The following CAMK1D variants were observed in gnomAD, a reference collection of about 807,000 sequenced individuals.
CAMK1D encodes the protein calcium/calmodulin-dependent protein kinase type 1D.
Under a neutral mutation model 47.7 loss-of-function variants are expected in CAMK1D, and 9 were observed. That is an observed-to-expected ratio of 0.19 (90% CI 0.11 to 0.33). The LOEUF is 0.33. CAMK1D is among the 10% of genes least tolerant of loss of function. The pLI is 1.00. For missense variants in CAMK1D, 291 were observed against 488.7 expected (o/e 0.60, Z 3.81); for synonymous variants, 184 against 184.9 (o/e 0.99, Z 0.04).
intron 1 of CAMK1D, among the ~76,000 whole-genome samples, chr10:12,420,116 C>T (rs1398652812): frequency 2.0e-5 from 3 of 152,144 alleles, no homozygotes. Context: ...CCTGTCACCA[C>T]GCCCAGCTAA....
chr10:12,588,118 A>G lies in CAMK1D; in HGVS notation c.224+34762A>G, dbSNP rs1003798716. Among the ~76,000 whole-genome samples the G allele has an allele frequency of 2.0e-5, 3 of 152,308 alleles. No individual in the cohort carries two copies. In the South Asian group the frequency reaches 6.2e-4, roughly 32 times the overall value. On this transcript the variant is annotated intron_variant, in intron 2 of 10. Transcript: ENST00000619168. Reference sequence around the variant, plus strand: ...GGGAGCGGAGAAACTTGGATGGCTCAGTAATTATGGAAATTGGCAGGGCAT... The same window carrying G: ...GGGAGCGGAGAAACTTGGATGGCTCGGTAATTATGGAAATTGGCAGGGCAT...
intron 5 of CAMK1D, among the ~76,000 whole-genome samples, chr10:12,787,420 A>T (rs991581842): frequency 5.9e-5 from 9 of 152,288 alleles, no homozygotes; most frequent in African/African-American, 1.7e-4. Context: ...TTGTTCTTTT[A>T]AAGAGTCCTC....
At chr10:12,745,630 T>G (rs1835636489) in intron 3 of CAMK1D, among the ~76,000 whole-genome samples, 1 of 150,660 alleles carries the variant, frequency 6.6e-6, no homozygotes, top group African/African-American at 2.5e-5. Context: ...GAGATGGAGT[T>G]TCGCTCTTGT....
rs1833186265 is a variant in CAMK1D at position 12,825,810 on chromosome 10, C to A, written c.1039+120C>A. ...TTGCCAGGCGCTTTCTATACTTAATCCCATGTCATGCGACCCTAGGACTTT... is the reference window on the plus strand; with the variant it reads ...TTGCCAGGCGCTTTCTATACTTAATACCATGTCATGCGACCCTAGGACTTT... On this transcript the variant is annotated intron_variant, in intron 10 of 10. Transcript: ENST00000619168. 5 of 1,536,578 alleles carry A rather than the reference C, an allele frequency of 3.3e-6. No homozygotes were observed. The Admixed American group carries it at 8.2e-5, about 25-fold the overall frequency.
At chr10:12,722,075 C>G (rs559835727) in intron 3 of CAMK1D, among the ~76,000 whole-genome samples, 2 of 152,198 alleles carry the variant, frequency 1.3e-5, no homozygotes, top group South Asian at 2.1e-4. Flanking sequence ...CACAGGCCCC[C>G]CATTCCTAAC....
At chr10:12,472,014 GAC>G (rs1376940910) in intron 1 of CAMK1D, among the ~76,000 whole-genome samples, 1 of 139,032 alleles carries the variant, frequency 7.2e-6, no homozygotes, top group Non-Finnish European at 1.5e-5. Context: ...CTGCCTGGGA[GAC>G]AGAGTAAGAC....
intron 1 of CAMK1D, among the ~76,000 whole-genome samples, chr10:12,443,270 C>T (rs150802072): frequency 6.6e-5 from 10 of 152,274 alleles, no homozygotes; most frequent in African/African-American, 2.4e-4. Context: ...ATGATGGGTG[C>T]TCACTCTACA....
intron 1 of CAMK1D, among the ~76,000 whole-genome samples, chr10:12,367,816 T>A (rs1424697853): frequency 6.6e-6 from 1 of 152,136 alleles, no homozygotes; most frequent in Non-Finnish European, 1.5e-5. Context: ...GCTGCTCACC[T>A]CCTGTTTTGT....
chr10:12,555,308 G>T (rs114741590), intron 2 of CAMK1D, among the ~76,000 whole-genome samples: 1 of 152,222 alleles, frequency 6.6e-6, no homozygotes, highest in African/African-American at 2.4e-5. Context: ...AGGACAGTCT[G>T]TCCTCTTCTG....
intron 1 of CAMK1D, among the ~76,000 whole-genome samples, chr10:12,420,299 G>C (rs1840006684): frequency 6.6e-6 from 1 of 152,228 alleles, no homozygotes; most frequent in South Asian, 2.1e-4. Flanking sequence ...TTTAGTGATA[G>C]AGCTGGTGGC....
At chr10:12,572,042 C>T (rs934530152) in intron 2 of CAMK1D, among the ~76,000 whole-genome samples, 4 of 140,980 alleles carry the variant, frequency 2.8e-5, no homozygotes, top group Admixed American at 2.8e-4. Flanking sequence ...AAACTAAACC[C>T]CCCCCCAAAA....
At chr10:12,366,853 A>G (rs367909001) in intron 1 of CAMK1D, among the ~76,000 whole-genome samples, 26 of 152,146 alleles carry the variant, frequency 1.7e-4, no homozygotes, top group African/African-American at 4.8e-4. Context: ...GTCACTGTGC[A>G]TTGGCTGTGG....
At chr10:12,523,935 C>T (rs1835529883) in intron 1 of CAMK1D, among the ~76,000 whole-genome samples, 1 of 151,970 alleles carries the variant, frequency 6.6e-6, no homozygotes, top group African/African-American at 2.4e-5. Context: ...GAGTCTCGCT[C>T]TGTTGCCCAG....
rs559605040 is a variant in CAMK1D, at chr10:12,476,807, A to G, written c.93-76418A>G. Among the ~76,000 whole-genome samples the G allele has an allele frequency of 1.2e-4, 18 of 152,248 alleles. No homozygotes were observed. The South Asian group carries it at 3.5e-3, about 30-fold the overall frequency. On this transcript the variant is annotated intron_variant, in intron 1 of 10. Transcript: ENST00000619168. ...TACCAGCCCTTCATCGTCTGGCCCCATAAGTCCCTTCTCAGCAGGCCTGCC... is the reference window on the plus strand; with the variant it reads ...TACCAGCCCTTCATCGTCTGGCCCCGTAAGTCCCTTCTCAGCAGGCCTGCC...
At chr10:12,598,364 A>T (rs1487182235) in intron 2 of CAMK1D, among the ~76,000 whole-genome samples, 2 of 152,140 alleles carry the variant, frequency 1.3e-5, no homozygotes, top group Non-Finnish European at 2.9e-5. Context: ...AGCATGGTAA[A>T]ATTCGAACGA....
intron 1 of CAMK1D, among the ~76,000 whole-genome samples, chr10:12,429,198 C>T (rs888749154): frequency 1.3e-5 from 2 of 152,168 alleles, no homozygotes; most frequent in Admixed American, 6.5e-5. Flanking sequence ...CAGGGCCTCA[C>T]ACACGTGCTT....
At chr10:12,350,540 G>C (rs1397263138) in intron 1 of CAMK1D, among the ~76,000 whole-genome samples, 2 of 146,786 alleles carry the variant, frequency 1.4e-5, no homozygotes, top group East Asian at 3.9e-4. Flanking sequence ...GTCTCCAAGG[G>C]AGGGTCTGTG....
intron 8 of CAMK1D, among the ~76,000 whole-genome samples, chr10:12,821,490 AGGCCCATCTTGAGCAGGT>A (rs1440492140): frequency 6.6e-6 from 1 of 152,184 alleles, no homozygotes. Flanking sequence ...AGGCACCACC[AGGCCCATCTTGAGCAGGT>A]GGCTAGAAAA....
At chr10:12,393,822 C>T (rs751943600) in intron 1 of CAMK1D, among the ~76,000 whole-genome samples, 7 of 152,164 alleles carry the variant, frequency 4.6e-5, no homozygotes, top group African/African-American at 7.2e-5. Context: ...ACATCAAGGG[C>T]GGGAGGTGAA....
Sources: allele counts gnomAD v4.1 joint callset (sites outside exome capture counted in the v4.1 genomes callset), GRCh38; gene constraint gnomAD v4.1.1; transcripts MANE v1.5; gene names NCBI Gene and HGNC (gene_info 2026-07-23, HGNC 2026-07-21).